The following CSMD1 variants were observed in gnomAD, a reference collection of about 807,000 sequenced individuals.
CSMD1 encodes the protein CUB and Sushi multiple domains 1.
A neutral mutation model predicts 417.5 loss-of-function variants in CSMD1; 213 were observed. That is an observed-to-expected ratio of 0.51 (90% confidence interval 0.46 to 0.57). The LOEUF (loss-of-function observed/expected upper bound fraction) is 0.57. Among genes scored for constraint, CSMD1 ranks in the 20% least tolerant of loss-of-function variants. CSMD1 has a pLI of 0.00. For synonymous variants in CSMD1, 2,862 were observed against 1,736.8 expected (o/e 1.65, Z -16.11); for missense variants, 6,923 against 4,529.7 (o/e 1.53, Z -15.17).
intron 12 of CSMD1, among the ~76,000 whole-genome samples, chr8:3,453,825 G>A (rs1048890918): frequency 6.6e-6 from 1 of 152,158 alleles, no homozygotes; most frequent in Non-Finnish European, 1.5e-5. Context: ...ATGTCTATTA[G>A]ATCTGCTTGG....
intron 3 of CSMD1, among the ~76,000 whole-genome samples, chr8:4,051,868 C>CTTT (rs57184690): frequency 5.7e-4 from 23 of 40,548 alleles, no homozygotes; most frequent in African/African-American, 2.4e-4. Flanking sequence ...TTCTTTCTTT[C>CTTT]CTTCCTCCTT....
At chr8:4,402,695 CA>C (rs776655367) in intron 3 of CSMD1, among the ~76,000 whole-genome samples, 1 of 151,788 alleles carries the variant, frequency 6.6e-6, no homozygotes, top group South Asian at 2.1e-4. Flanking sequence ...AAAATAGAAG[CA>C]ATGTGAAAAC....
At chr8:3,432,429 C>CA (rs1423631454) in intron 12 of CSMD1, among the ~76,000 whole-genome samples, 4 of 148,986 alleles carry the variant, frequency 2.7e-5, no homozygotes, top group African/African-American at 7.4e-5. Context: ...GTCTTTGGTG[C>CA]AAAAATAGAA....
intron 25 of CSMD1, among the ~76,000 whole-genome samples, chr8:3,295,605 C>T (rs530929109): frequency 6.6e-6 from 1 of 152,066 alleles, no homozygotes; most frequent in African/African-American, 2.4e-5. Context: ...TGTACTGATG[C>T]AAGGATCTTT....
chr8:3,289,872 T>A (rs1269050498), intron 25 of CSMD1, among the ~76,000 whole-genome samples: 1 of 147,706 alleles, frequency 6.8e-6, no homozygotes, highest in Non-Finnish European at 1.5e-5. Flanking sequence ...TGCCATTGCT[T>A]TTGGCATTTT....
chr8:4,041,189 T>C (rs1334607950), intron 3 of CSMD1, among the ~76,000 whole-genome samples: 1 of 151,856 alleles, frequency 6.6e-6, no homozygotes. Flanking sequence ...GCTAATTTTT[T>C]TGTATTTTTG....
chr8:4,621,054 G>A (rs77207268), intron 2 of CSMD1, among the ~76,000 whole-genome samples: 2,443 of 152,030 alleles, frequency 0.016, 49 homozygotes, highest in African/African-American at 0.047. Context: ...TCATATATTC[G>A]TCAGACCTGA....
At chr8:4,409,000 G>A (rs2128933457) in intron 3 of CSMD1, among the ~76,000 whole-genome samples, 1 of 152,264 alleles carries the variant, frequency 6.6e-6, no homozygotes, top group African/African-American at 2.4e-5. Context: ...ACTGATTTAA[G>A]AACTCTGAAG....
At chr8:4,613,364 C>T (rs931105777) in intron 2 of CSMD1, among the ~76,000 whole-genome samples, 1 of 152,212 alleles carries the variant, frequency 6.6e-6, no homozygotes, top group African/African-American at 2.4e-5. Context: ...CACCTCCACA[C>T]TGGCACACAG....
chr8:4,349,836 T>A (rs1230045480), intron 3 of CSMD1, among the ~76,000 whole-genome samples: 2 of 145,992 alleles, frequency 1.4e-5, no homozygotes, highest in African/African-American at 5.4e-5. Flanking sequence ...TTTTTTTTTT[T>A]AAGTTTAGGT....
chr8:4,927,482 G>A (rs889559985), intron 1 of CSMD1, among the ~76,000 whole-genome samples: 1 of 152,152 alleles, frequency 6.6e-6, no homozygotes, highest in Non-Finnish European at 1.5e-5. Context: ...TCAAGTCTTT[G>A]CTTTGTAGCT....
chr8:4,450,309 A>G (rs1178459551), intron 2 of CSMD1, among the ~76,000 whole-genome samples: 2 of 152,194 alleles, frequency 1.3e-5, no homozygotes, highest in Non-Finnish European at 2.9e-5. Flanking sequence ...GCTGCAACTC[A>G]GAGTATTTTT....
intron 7 of CSMD1, among the ~76,000 whole-genome samples, chr8:3,700,844 G>A (rs971933317): frequency 5.9e-5 from 9 of 152,106 alleles, no homozygotes; most frequent in Non-Finnish European, 1.2e-4. Flanking sequence ...GACTCGTTCT[G>A]CCTGTGACGG....
chr8:4,353,937 T>C (rs1801246895), intron 3 of CSMD1, among the ~76,000 whole-genome samples: 1 of 152,172 alleles, frequency 6.6e-6, no homozygotes, highest in African/African-American at 2.4e-5. Context: ...TTGAGGTATA[T>C]TAGGGAACTT....
chr8:4,337,715 A>C (rs1044896824), intron 3 of CSMD1, among the ~76,000 whole-genome samples: 1 of 152,158 alleles, frequency 6.6e-6, no homozygotes, highest in African/African-American at 2.4e-5. Flanking sequence ...AGTACACTCA[A>C]GTATTTGCCA....
At chr8:4,593,303 A>T (rs1018759191) in intron 2 of CSMD1, among the ~76,000 whole-genome samples, 2 of 152,234 alleles carry the variant, frequency 1.3e-5, no homozygotes, top group Non-Finnish European at 2.9e-5. Flanking sequence ...CTCTTTACGC[A>T]TACATAGCAA....
At chr8:3,007,808 T>C (rs1808065666) in intron 52 of CSMD1, among the ~76,000 whole-genome samples, 2 of 148,556 alleles carry the variant, frequency 1.3e-5, no homozygotes, top group Non-Finnish European at 1.5e-5. Flanking sequence ...CATCGGGAGA[T>C]ATACCTAATG....
At chr8:3,670,617 GAT>G (rs1210023808) in intron 7 of CSMD1, among the ~76,000 whole-genome samples, 3 of 146,566 alleles carry the variant, frequency 2.0e-5, no homozygotes, top group Non-Finnish European at 4.5e-5. Context: ...TATATATGGG[GAT>G]ATATATATGG....
At chr8:3,734,451 C>T (rs1393814828) in intron 6 of CSMD1, among the ~76,000 whole-genome samples, 2 of 152,220 alleles carry the variant, frequency 1.3e-5, no homozygotes, top group Non-Finnish European at 2.9e-5. Context: ...TGGCTCACGC[C>T]TGTAATCCCA....
Sources: gnomAD v4.1 joint callset for allele counts (sites outside exome capture counted in the v4.1 genomes callset) on GRCh38, gnomAD v4.1.1 for gene constraint, MANE v1.5 for transcripts, NCBI Gene and HGNC (gene_info 2026-07-23, HGNC 2026-07-21) for gene names.